The following STON1 variants were observed in gnomAD, a reference collection of about 807,000 sequenced individuals.
The protein encoded by STON1 is stonin 1, also known as stonin-1.
In STON1, 79 loss-of-function variants were observed where a neutral mutation model predicts 60.9. The ratio of observed to expected loss-of-function variants is 1.30; its 90% CI spans 1.08 to 1.56. The LOEUF (loss-of-function observed/expected upper bound fraction) is 1.56, where lower values mean the gene tolerates loss of function less well. Ranked by LOEUF, STON1 falls within the 40% of genes most tolerant of loss-of-function variation. The probability of loss-of-function intolerance (pLI) is 0.00; values close to 1 mark genes in which losing one functional copy is unlikely to be tolerated. For missense variants in STON1, 1,166 were observed against 858.9 expected, an observed-to-expected ratio of 1.36 and a Z score of -4.47; for synonymous variants, 363 against 306.9, an observed-to-expected ratio of 1.18 and a Z score of -1.91.
intron 1 of STON1, among the ~76,000 whole-genome samples, chr2:48,544,206 C>A (rs965713039): frequency 2.4e-4 from 36 of 151,912 alleles, no homozygotes; most frequent in African/African-American, 8.2e-4. Context: ...GTGTGTCTGT[C>A]TGTCTAGACC....
intron 1 of STON1, among the ~76,000 whole-genome samples, chr2:48,573,420 G>A (rs17037389): frequency 0.045 from 6,916 of 152,300 alleles, 177 homozygotes; most frequent in African/African-American, 0.055. Flanking sequence ...TCCACTGGAT[G>A]TCAGCCGCCA....
Position 48,581,778 on chromosome 2 carries a change from C to A in STON1, c.1145C>A (p.Ser382Ter). ...CAGATGCTGAAGTTGGGGTCCACAT[C>A]GTACCATGACTTCCTTGACTTTCTG... is the stretch of plus-strand genomic sequence containing the variant. Reference protein sequence around the residue: ...IEQMLKLGSTSYHDFLDFLTT... With the variant: ...IEQMLKLGST Residue 382 changes from serine to a stop codon, truncating the protein, a stop_gained, in exon 2 of 4, where the codon TCG becomes TAG. Coordinates refer to ENST00000404752, the MANE Select transcript of STON1 (RefSeq NM_006873.4). LOFTEE classifies it high-confidence loss of function. 1.2e-6 allele frequency: 2 copies of A among 1,614,074 alleles called. No homozygotes were observed. Among genetic ancestry groups the A allele is most frequent in the South Asian group, 1.1e-5 (1 of 91,040 alleles).
rs1558637563 is a variant in STON1, at chr2:48,582,291, CGCAGAGG to C, written c.1659_1665del (p.Gln554HisfsTer7). ...GCTTTTGTCAACATGGCCTCATTGG[CGCAGAGG>C]TCATCCTATGCTGGTTCCTTAAGGT... On this transcript the variant is annotated frameshift_variant, in exon 2 of 4. Transcript: ENST00000404752. LOFTEE classifies it high-confidence loss of function. 1.2e-6 allele frequency: 2 copies of C among 1,614,158 alleles called. No individual in the cohort carries two copies. Among genetic ancestry groups the C allele is most frequent in the Non-Finnish European group, 1.7e-6 (2 of 1,180,024 alleles).
chr2:48,573,295 T>C (rs1438443137), intron 1 of STON1, among the ~76,000 whole-genome samples: 2 of 152,134 alleles, frequency 1.3e-5, no homozygotes, highest in African/African-American at 4.8e-5. Context: ...CCCAGGAATT[T>C]GAGACCAGCC....
At chr2:48,570,979 C>T (rs1333365961) in intron 1 of STON1, among the ~76,000 whole-genome samples, 1 of 151,176 alleles carries the variant, frequency 6.6e-6, no homozygotes, top group Non-Finnish European at 1.5e-5. Flanking sequence ...TCTCCTGCCT[C>T]AGCCTCCCGA....
intron 1 of STON1, among the ~76,000 whole-genome samples, chr2:48,574,232 C>T (rs556213816): frequency 2.2e-4 from 34 of 151,934 alleles, no homozygotes; most frequent in African/African-American, 2.9e-4. Context: ...AAAAATTAGC[C>T]GGGTGTGGTG....
rs1674532698 is a variant in STON1 at position 48,591,850 on chromosome 2, A to G, written c.2128A>G (p.Ile710Val). 2 of 1,613,846 alleles carry G rather than the reference A, an allele frequency of 1.2e-6. No homozygotes were observed. Among genetic ancestry groups the G allele is most frequent in the Non-Finnish European group, 1.7e-6 (2 of 1,179,882 alleles). ...KHVQQRACYN[I>V]QVEIEKKWIK... is the part of the protein sequence containing the mutation. ...TGTTCAGCAGCGAGCTTGCTACAAC[A>G]TCCAGGTACATCCCAAAACTTCTAG... Residue 710 changes from isoleucine to valine, a missense_variant, in exon 3 of 4, where the codon ATC becomes GTC. Physicochemically the swap from Ile to Val is conservative, Grantham distance 29 (BLOSUM62 3). Coordinates refer to ENST00000404752, the MANE Select transcript of STON1 (RefSeq NM_006873.4).
chr2:48,544,769 A>T (rs1671797153), intron 1 of STON1, among the ~76,000 whole-genome samples: 1 of 151,594 alleles, frequency 6.6e-6, no homozygotes, highest in Non-Finnish European at 1.5e-5. Flanking sequence ...CTTGTCTTGA[A>T]CTCCTGACCT....
rs1424930042 is a variant in STON1, at chr2:48,565,160, C to T, written c.-47-15427C>T. ...CTCCGCCTCCCAGGTTCATGCCATT[C>T]TCCTGCCTCAGCCTCCCGAGTGGCT... On this transcript the variant is annotated intron_variant, in intron 1 of 3. Transcript: ENST00000404752. Among the ~76,000 whole-genome samples the T allele has an allele frequency of 2.7e-5, 4 of 149,294 alleles. No homozygotes were observed. In the East Asian group the frequency reaches 8.0e-4, roughly 30 times the overall value.
chr2:48,542,971 C>CTTT (rs761874001), intron 1 of STON1, among the ~76,000 whole-genome samples: 8 of 105,468 alleles, frequency 7.6e-5, no homozygotes, highest in Non-Finnish European at 1.2e-4. Context: ...AATATCTTGA[C>CTTT]TTTTTTTTTT....
intron 1 of STON1, among the ~76,000 whole-genome samples, chr2:48,573,832 C>T (rs1673339099): frequency 6.6e-6 from 1 of 152,200 alleles, no homozygotes; most frequent in Non-Finnish European, 1.5e-5. Context: ...GTGGACTACT[C>T]TTCAGCCTTG....
intron 1 of STON1, among the ~76,000 whole-genome samples, chr2:48,577,904 C>T (rs2103898862): frequency 6.6e-6 from 1 of 151,796 alleles, no homozygotes; most frequent in African/African-American, 2.4e-5. Context: ...GCATGAGCCA[C>T]CGAGCCCGGC....
At chr2:48,573,747 G>A (rs13034951) in intron 1 of STON1, among the ~76,000 whole-genome samples, 49,535 of 152,130 alleles carry the variant, frequency 0.33, 8,201 homozygotes, top group East Asian at 0.42. Flanking sequence ...ATTTTTCAAA[G>A]TAACTAAAAA....
intron 1 of STON1, among the ~76,000 whole-genome samples, chr2:48,562,547 A>T (rs1208941717): frequency 1.3e-5 from 2 of 152,226 alleles, no homozygotes; most frequent in Non-Finnish European, 2.9e-5. Context: ...TTCACTTTAC[A>T]GAAAAGCAAA....
At chr2:48,564,464 CTTCTTCTTCTTCTTCT>C (rs1558604417) in intron 1 of STON1, among the ~76,000 whole-genome samples, 6 of 55,228 alleles carry the variant, frequency 1.1e-4, no homozygotes, top group African/African-American at 2.1e-4. Context: ...TCTTCTTCTT[CTTCTTCTTCTTCTTCT>C]TTCTTCTTCT....
chr2:48,573,085 A>G (rs551877649), intron 1 of STON1, among the ~76,000 whole-genome samples: 121 of 152,304 alleles, frequency 7.9e-4, no homozygotes, highest in African/African-American at 2.8e-3. Context: ...GAATGATTGC[A>G]TTGGTTGAAG....
Position 48,580,854 on chromosome 2 carries a change from G to A in STON1, c.221G>A (p.Gly74Glu), listed in dbSNP as rs1673837427. The A allele has an allele frequency of 2.6e-6, 4 of 1,560,388 alleles. No homozygotes were observed. The highest frequency in any genetic ancestry group is 2.6e-6 in the Non-Finnish European group (3 of 1,158,446). ...SPIVDFYFSP[G>E]PPSNSPLSTP... ...ATTGTAGATTTTTATTTCAGTCCAG[G>A]ACCTCCAAGTAACTCTCCTCTTTCT... Residue 74 changes from glycine (G) to glutamate (E), a missense_variant, in exon 2 of 4, where the codon GGA (glycine) becomes GAA (glutamate). Transcript: ENST00000404752.
rs1674818015 is a variant in STON1 at position 48,597,189 on chromosome 2, T to TG, written c.*1887_*1888insG. ...TTTTAACTTCATTTGATGCCTTGCT[T>TG]ATAATATCATATGCTTGAGGCTCAC... On this transcript the variant is annotated 3_prime_UTR_variant, in exon 4 of 4. Transcript: ENST00000404752. 1 of 152,174 alleles carries TG rather than the reference T, an allele frequency of 6.6e-6. No individual in the cohort carries two copies. The highest frequency in any genetic ancestry group is 1.5e-5 in the Non-Finnish European group (1 of 68,036). The allele number at this position is 152,174 out of a possible 1,614,324, so 9.4% of individuals were successfully genotyped here. A position where few individuals can be genotyped will look rare whatever the true frequency, so the allele number is the denominator to read the frequency against.
chr2:48,586,161 G>T (rs1039849238), intron 2 of STON1, among the ~76,000 whole-genome samples: 2 of 152,214 alleles, frequency 1.3e-5, no homozygotes, highest in Non-Finnish European at 2.9e-5. Context: ...GTGCAGACAC[G>T]TATGAAGCTT....
Sources: gnomAD v4.1 joint callset for allele counts (sites outside exome capture counted in the v4.1 genomes callset) on GRCh38, gnomAD v4.1.1 for gene constraint, MANE v1.5 for transcripts, NCBI Gene and HGNC (gene_info 2026-07-23, HGNC 2026-07-21) for gene names.